Variants in RAPGEF2 observed in about 807,000 individuals in gnomAD.
RAPGEF2 encodes PDZ domain containing guanine nucleotide exchange factor (GEF) 1.
In RAPGEF2, 54 loss-of-function variants were observed where a neutral mutation model predicts 186.7. The observed-to-expected ratio is 0.29, with a 90% CI of 0.23 to 0.36. The LOEUF is 0.36. RAPGEF2 is among the 10% of genes least tolerant of loss of function. The pLI is 1.00. For missense variants in RAPGEF2, 1,532 were observed against 2,045.0 expected, an observed-to-expected ratio of 0.75 and a Z score of 4.84; for synonymous variants, 712 against 705.9, an observed-to-expected ratio of 1.01 and a Z score of -0.14.
chr4:159,234,611 AG>A (rs1753027476), intron 4 of RAPGEF2, among the ~76,000 whole-genome samples: 1 of 140,836 alleles, frequency 7.1e-6, no homozygotes, highest in Non-Finnish European at 1.5e-5. Flanking sequence ...GCTGGAATGC[AG>A]TGGTGTGATC....
intron 3 of RAPGEF2, among the ~76,000 whole-genome samples, chr4:159,201,578 G>C (rs554260504): frequency 2.9e-4 from 44 of 152,308 alleles, no homozygotes; most frequent in African/African-American, 8.4e-4. Context: ...GAGAGCACAA[G>C]TCTAAGCTGG....
chr4:159,166,054 C>T (rs560836545), intron 1 of RAPGEF2, among the ~76,000 whole-genome samples: 2 of 152,238 alleles, frequency 1.3e-5, no homozygotes, highest in Non-Finnish European at 2.9e-5. Context: ...GGAGCATTGG[C>T]TCACACCTGT....
chr4:159,117,239 A>T (rs1444909720), intron 1 of RAPGEF2, among the ~76,000 whole-genome samples: 1 of 152,206 alleles, frequency 6.6e-6, no homozygotes, highest in African/African-American at 2.4e-5. Context: ...TTCATATCTG[A>T]TCCCCATCCT....
chr4:159,338,208 CA>C (rs568388629), intron 17 of RAPGEF2, 102 bp from the exon 18 acceptor site: 9,762 of 904,672 alleles, frequency 0.011, 4 homozygotes, highest in South Asian at 0.018. Flanking sequence ...ACATGAGCTG[CA>C]AAAAAAAAAT....
intron 4 of RAPGEF2, among the ~76,000 whole-genome samples, chr4:159,234,243 G>C (rs774276133): frequency 6.6e-6 from 1 of 152,108 alleles, no homozygotes; most frequent in South Asian, 2.1e-4. Flanking sequence ...ACCTACTTCT[G>C]ATTTTTTGAT....
intron 24 of RAPGEF2, 69 bp from the exon 25 acceptor site, chr4:159,346,720 A>C: frequency 4.6e-6 from 6 of 1,307,756 alleles, no homozygotes; most frequent in Non-Finnish European, 6.5e-6. Context: ...ACAGTTCTAG[A>C]ATTATCTTCT....
intron 4 of RAPGEF2, among the ~76,000 whole-genome samples, chr4:159,238,509 G>T (rs1346839130): frequency 1.3e-5 from 2 of 152,006 alleles, no homozygotes; most frequent in African/African-American, 4.8e-5. Flanking sequence ...TTCACCTGAG[G>T]ATGATTTAAA....
In RAPGEF2 at chr4:159,355,878, GCCC is replaced by G; in HGVS notation, c.4680_4682del (p.Pro1562del). On this transcript the variant is annotated inframe_deletion, in exon 29 of 30. Transcript: ENST00000691494. ...CACGAAAGGAGGGCAGGTATCGAGA[GCCC>G]CCGCCCACCCCTCCCGGCTACATTG... The G allele has an allele frequency of 3.2e-4, 489 of 1,514,264 alleles. No homozygotes were observed. The highest frequency in any genetic ancestry group is 3.9e-4 in the Non-Finnish European group (440 of 1,116,626). The allele number at this position is 1,514,264 out of a possible 1,614,324, so 93.8% of individuals were successfully genotyped here. A position where few individuals can be genotyped will look rare whatever the true frequency, so the allele number is the denominator to read the frequency against.
intron 8 of RAPGEF2, among the ~76,000 whole-genome samples, chr4:159,309,489 T>TA (rs1763701526): frequency 6.6e-6 from 1 of 152,092 alleles, no homozygotes; most frequent in African/African-American, 2.4e-5. Flanking sequence ...ATTGAAATAA[T>TA]AGACTAGGGA....
At chr4:159,306,472 T>C (rs1412618939) in intron 8 of RAPGEF2, among the ~76,000 whole-genome samples, 1 of 152,204 alleles carries the variant, frequency 6.6e-6, no homozygotes, top group African/African-American at 2.4e-5. Flanking sequence ...TTTGTGCATA[T>C]TGATTTTGCA....
intron 7 of RAPGEF2, among the ~76,000 whole-genome samples, chr4:159,295,878 T>C (rs1301127723): frequency 6.6e-6 from 1 of 152,150 alleles, no homozygotes; most frequent in African/African-American, 2.4e-5. Flanking sequence ...GCCACCTTAA[T>C]CTTTTATATA....
chr4:159,263,380 T>G lies in RAPGEF2; in HGVS notation c.543+19589T>G, dbSNP rs1757089897. Among the ~76,000 whole-genome samples, 3 of 152,174 alleles carry G rather than the reference T, an allele frequency of 2.0e-5. No individual in the cohort carries two copies. In the South Asian group the frequency reaches 6.2e-4, roughly 32 times the overall value. On this transcript the variant is annotated intron_variant, in intron 7 of 29. Transcript: ENST00000691494. Reference sequence around the variant, plus strand: ...TGATGTACTCATATAGAAAATAGCATTTTAAAATGACATTTTTGGGGGGAA... The same window carrying G: ...TGATGTACTCATATAGAAAATAGCAGTTTAAAATGACATTTTTGGGGGGAA...
At chr4:159,293,604 T>C (rs1579800801) in intron 7 of RAPGEF2, among the ~76,000 whole-genome samples, 1 of 152,262 alleles carries the variant, frequency 6.6e-6, no homozygotes, top group East Asian at 1.9e-4. Context: ...TTTTCAGTTA[T>C]AGGTCGTAAA....
intron 1 of RAPGEF2, among the ~76,000 whole-genome samples, chr4:159,104,605 C>T (rs1396243131): frequency 1.3e-5 from 2 of 151,724 alleles, no homozygotes. Context: ...CTAGCTTTCC[C>T]TCTCCCCAGC....
At chr4:159,218,303 CTACAAATCA>C (rs1751174617) in intron 4 of RAPGEF2, among the ~76,000 whole-genome samples, 4 of 152,122 alleles carry the variant, frequency 2.6e-5, no homozygotes, top group African/African-American at 7.2e-5. Flanking sequence ...AAAGGAAAAA[CTACAAATCA>C]TGTTAAAACT....
At chr4:159,255,090 G>C (rs1296858866) in intron 7 of RAPGEF2, among the ~76,000 whole-genome samples, 2 of 152,172 alleles carry the variant, frequency 1.3e-5, no homozygotes, top group African/African-American at 4.8e-5. Context: ...GTGACATGCT[G>C]TACAGATTTG....
chr4:159,330,222 C>A, intron 12 of RAPGEF2, 112 bp from the exon 13 acceptor site: 1 of 861,974 alleles, frequency 1.2e-6, no homozygotes, highest in Non-Finnish European at 1.7e-6. Context: ...GTTTGAAATC[C>A]CAGTACCATA....
intron 7 of RAPGEF2, chr4:159,267,356 T>C (rs1300441563): frequency 1.6e-5 from 21 of 1,280,894 alleles, no homozygotes; most frequent in Non-Finnish European, 2.1e-5. Flanking sequence ...TTCAGACTCA[T>C]GATTTTTGAG....
At chr4:159,342,095 A>C in intron 20 of RAPGEF2, 148 bp downstream of exon 20, 1 of 835,286 alleles carries the variant, frequency 1.2e-6, no homozygotes, top group Admixed American at 2.9e-5. Flanking sequence ...TCCTAACCTT[A>C]ATCCTTAATT....
Sources: gnomAD v4.1 joint callset for allele counts (sites outside exome capture counted in the v4.1 genomes callset) on GRCh38, gnomAD v4.1.1 for gene constraint, MANE v1.5 for transcripts, NCBI Gene and HGNC (gene_info 2026-07-23, HGNC 2026-07-21) for gene names.